TBC1D19: variants seen among roughly 807,000 people sequenced by gnomAD.
TBC1D19 encodes the protein TBC1 domain family member 19, also known as TBC1 domain family, member 19.
A neutral mutation model predicts 89.0 loss-of-function variants in TBC1D19; 60 were observed. The ratio of observed to expected loss-of-function variants is 0.67; its 90% CI spans 0.55 to 0.84. TBC1D19 has a LOEUF of 0.84. TBC1D19 is among the 40% of genes least tolerant of loss of function. The pLI, the probability that TBC1D19 is intolerant of heterozygous loss-of-function variation, is 0.00. For synonymous variants in TBC1D19, 189 were observed against 199.7 expected, an observed-to-expected ratio of 0.95 and a Z score of 0.45; for missense variants, 500 against 610.8, an observed-to-expected ratio of 0.82 and a Z score of 1.91.
intron 8 of TBC1D19, among the ~76,000 whole-genome samples, 189 bp downstream of exon 8, chr4:26,659,896 A>G (rs1333861278): frequency 6.6e-6 from 1 of 152,220 alleles, no homozygotes; most frequent in Non-Finnish European, 1.5e-5. Context: ...ACTAAAAATG[A>G]GTTCACATTG....
At chr4:26,594,968 A>G (rs1200982599) in intron 1 of TBC1D19, among the ~76,000 whole-genome samples, 3 of 152,214 alleles carry the variant, frequency 2.0e-5, no homozygotes, top group Non-Finnish European at 4.4e-5. Context: ...AAAGAGTGAA[A>G]TTGATAGATT....
At chr4:26,768,459 G>C in the TBC1D19 span, among the ~76,000 whole-genome samples, 1 of 152,110 alleles carries the variant, frequency 6.6e-6, no homozygotes, top group Admixed American at 6.6e-5. Context: ...AAAATTACCA[G>C]ACATGCAAAG....
At chr4:26,683,775 C>A (rs1270373857) in intron 12 of TBC1D19, 26 bp downstream of exon 12, 1 of 1,574,100 alleles carries the variant, frequency 6.4e-7, no homozygotes, top group Non-Finnish European at 8.7e-7. Context: ...CTTAGTTTTT[C>A]CTTTTCATTA....
chr4:26,593,364 T>A (rs1371825537), intron 1 of TBC1D19, among the ~76,000 whole-genome samples: 4 of 152,200 alleles, frequency 2.6e-5, no homozygotes, highest in Non-Finnish European at 4.4e-5. Context: ...ATTTAAATGT[T>A]AGACCTAAAA....
At chr4:26,815,088 TA>T in the TBC1D19 span, among the ~76,000 whole-genome samples, 1 of 151,984 alleles carries the variant, frequency 6.6e-6, no homozygotes, top group Non-Finnish European at 1.5e-5. Context: ...TAATTTTTAA[TA>T]ACAACTATAT....
chr4:26,734,269 G>A (rs1241231062), intron 15 of TBC1D19, among the ~76,000 whole-genome samples: 1 of 152,128 alleles, frequency 6.6e-6, no homozygotes, highest in African/African-American at 2.4e-5. Flanking sequence ...AACTGAGGCT[G>A]AACTATCATT....
Position 26,620,643 on chromosome 4 carries a change from T to C in TBC1D19, c.249T>C (p.Pro83=), listed in dbSNP as rs753644371. The change falls in exon 4 of 21, where the codon CCT becomes CCC. Residue 83 remains proline (P), a synonymous_variant. Coordinates refer to ENST00000264866, the MANE Select transcript of TBC1D19 (RefSeq NM_018317.4). ...CTTTACCTAGTCATCCTGCTGCACC[T>C]CCTGAACATCTTAAAGAACCTTTGG... is the stretch of plus-strand genomic sequence containing the variant. The part of the protein sequence containing the change: ...VFPLPSHPAA[P]PEHLKEPLVY... 24 of 1,613,676 alleles carry C rather than the reference T, an allele frequency of 1.5e-5. No individual in the cohort carries two copies. The highest frequency in any genetic ancestry group is 3.3e-5 in the Admixed American group (2 of 59,970).
At chr4:26,697,894 C>G (rs186439775) in intron 13 of TBC1D19, among the ~76,000 whole-genome samples, 256 of 152,288 alleles carry the variant, frequency 1.7e-3, no homozygotes, top group Middle Eastern at 0.01. Context: ...GACAAACCCA[C>G]AGCCAATATC....
chr4:26,736,958 CAAGT>C (rs1718089183), intron 16 of TBC1D19, among the ~76,000 whole-genome samples: 1 of 152,164 alleles, frequency 6.6e-6, no homozygotes. Flanking sequence ...TTTAAGTTTT[CAAGT>C]GTTACATATA....
chr4:26,757,858 A>G (rs1415658695), downstream of TBC1D19, among the ~76,000 whole-genome samples: 1 of 152,198 alleles, frequency 6.6e-6, no homozygotes, highest in African/African-American at 2.4e-5. Flanking sequence ...TGCCATTTCT[A>G]TGCTTGAAAA....
intron 15 of TBC1D19, 60 bp from the exon 16 acceptor site, chr4:26,735,395 G>T: frequency 7.3e-7 from 1 of 1,361,466 alleles, no homozygotes. Flanking sequence ...ATCTTTTAAA[G>T]CTTACCTAAT....
intron 11 of TBC1D19, among the ~76,000 whole-genome samples, chr4:26,674,235 A>G (rs1215379067): frequency 6.6e-6 from 1 of 152,120 alleles, no homozygotes; most frequent in Non-Finnish European, 1.5e-5. Context: ...AAAGAAAGGC[A>G]ACTCAGGTTA....
At chr4:26,705,032 CT>C (rs1715632161) in intron 13 of TBC1D19, among the ~76,000 whole-genome samples, 2 of 142,718 alleles carry the variant, frequency 1.4e-5, no homozygotes, top group Admixed American at 6.7e-5. Flanking sequence ...TATTGAGCAT[CT>C]TTTCTTGTGC....
chr4:26,789,919 A>T, the TBC1D19 span, among the ~76,000 whole-genome samples: 3 of 152,356 alleles, frequency 2.0e-5, no homozygotes, highest in East Asian at 5.8e-4. Flanking sequence ...CATTGTCTTA[A>T]GTGAAATAAC....
At chr4:26,657,942 T>C (rs191456472) in intron 7 of TBC1D19, among the ~76,000 whole-genome samples, 78 of 152,350 alleles carry the variant, frequency 5.1e-4, no homozygotes, top group African/African-American at 1.3e-3. Context: ...ATTTGTATTT[T>C]TCTTGTAAAT....
chr4:26,654,646 C>A lies in TBC1D19; in HGVS notation c.481-4951C>A, dbSNP rs1744660772. 2.0e-5 allele frequency among the ~76,000 whole-genome samples: 3 copies of A among 152,084 alleles called. 1 individual carries two copies. The highest frequency in any genetic ancestry group is 4.2e-4 in the South Asian group (2 of 4,814). ...TCATTTGATCTTCCATTGCTGATACCCTTTCTTCCAGTTGATTGAATCAGC... is the reference window on the plus strand; with the variant it reads ...TCATTTGATCTTCCATTGCTGATACACTTTCTTCCAGTTGATTGAATCAGC... On this transcript the variant is annotated intron_variant, in intron 7 of 20. Transcript: ENST00000264866.
chr4:26,673,570 G>A (rs1712531514), intron 10 of TBC1D19, among the ~76,000 whole-genome samples: 1 of 151,364 alleles, frequency 6.6e-6, no homozygotes, highest in Admixed American at 6.6e-5. Context: ...GTAGGAGGTG[G>A]AAGAGCTTAA....
intron 7 of TBC1D19, among the ~76,000 whole-genome samples, chr4:26,656,550 T>C (rs1664883486): frequency 6.6e-6 from 1 of 152,068 alleles, no homozygotes; most frequent in Non-Finnish European, 1.5e-5. Flanking sequence ...GTATCTAAGT[T>C]GGCTTTTATC....
chr4:26,670,846 CT>C (rs1712238845), intron 9 of TBC1D19, among the ~76,000 whole-genome samples: 1 of 151,084 alleles, frequency 6.6e-6, no homozygotes, highest in Admixed American at 6.6e-5. Context: ...TGTTTGGCTT[CT>C]TTTGCTTTTC....
Sources: allele counts gnomAD v4.1 joint callset (sites outside exome capture counted in the v4.1 genomes callset), GRCh38; gene constraint gnomAD v4.1.1; transcripts MANE v1.5; gene names NCBI Gene and HGNC (gene_info 2026-07-23, HGNC 2026-07-21).